The following CEP128 variants were observed in gnomAD, a reference collection of about 807,000 sequenced individuals.
CEP128 encodes the protein centrosomal protein 128kDa.
Under a neutral mutation model 156.7 loss-of-function variants are expected in CEP128, and 132 were observed. The observed-to-expected ratio is 0.84, with a 90% CI of 0.73 to 0.97. The LOEUF (loss-of-function observed/expected upper bound fraction) is 0.97. Among genes scored for constraint, CEP128 ranks in the 50% least tolerant of loss-of-function variants. The pLI is 0.00. For synonymous variants in CEP128, 469 were observed against 448.9 expected, an observed-to-expected ratio of 1.04 and a Z score of -0.57; for missense variants, 1,252 against 1,281.9, an observed-to-expected ratio of 0.98 and a Z score of 0.36.
At chr14:80,496,452 G>C (rs1179688389), downstream of CEP128, 1 of 152,616 alleles carries the variant, frequency 6.6e-6, no homozygotes, top group African/African-American at 2.4e-5. Context: ...TAATGAGCAA[G>C]TGTACTTTAA....
intron 8 of CEP128, among the ~76,000 whole-genome samples, chr14:80,877,799 C>T (rs75545164): frequency 4.6e-5 from 7 of 152,266 alleles, no homozygotes; most frequent in Admixed American, 3.3e-4. Flanking sequence ...TGAAGGGATG[C>T]CCCACTCCCA....
intron 18 of CEP128, among the ~76,000 whole-genome samples, chr14:80,753,143 C>A (rs945888540): frequency 6.6e-6 from 1 of 152,134 alleles, no homozygotes; most frequent in East Asian, 1.9e-4. Context: ...TGGGAAAATG[C>A]AGCATGCCCA....
At chr14:80,829,123 T>C (rs1013245076) in intron 13 of CEP128, among the ~76,000 whole-genome samples, 2 of 152,148 alleles carry the variant, frequency 1.3e-5, no homozygotes, top group Non-Finnish European at 1.5e-5. Context: ...ACATTAGTGA[T>C]ACAGACAATA....
At chr14:80,905,774 T>G in intron 5 of CEP128, 181 bp downstream of exon 5, 1 of 511,936 alleles carries the variant, frequency 2.0e-6, no homozygotes, top group Non-Finnish European at 3.3e-6. Context: ...AAAAACAATA[T>G]AACAACAAAG....
At chr14:80,750,818 G>A (rs1426435816) in intron 18 of CEP128, among the ~76,000 whole-genome samples, 1 of 152,134 alleles carries the variant, frequency 6.6e-6, no homozygotes, top group Non-Finnish European at 1.5e-5. Context: ...TATGTGTTAT[G>A]GATTGAATTC....
At chr14:80,486,761 G>C (rs1053899519), downstream of CEP128, among the ~76,000 whole-genome samples, 36 of 152,194 alleles carry the variant, frequency 2.4e-4, no homozygotes, top group African/African-American at 7.5e-4. Flanking sequence ...TTCATATCCA[G>C]CCAAACTAAG....
At chr14:80,873,276 T>C (rs1443689142) in intron 8 of CEP128, among the ~76,000 whole-genome samples, 1 of 152,210 alleles carries the variant, frequency 6.6e-6, no homozygotes, top group African/African-American at 2.4e-5. Context: ...TCTTGATGCA[T>C]GGCAATAATT....
chr14:80,649,955 A>G (rs982630546), intron 19 of CEP128, among the ~76,000 whole-genome samples: 1 of 152,096 alleles, frequency 6.6e-6, no homozygotes, highest in South Asian at 2.1e-4. Context: ...CTGTGAAGAG[A>G]GTCAATGGTA....
intron 8 of CEP128, among the ~76,000 whole-genome samples, chr14:80,879,340 G>C (rs754372810): frequency 1.2e-4 from 18 of 152,040 alleles, no homozygotes; most frequent in Non-Finnish European, 1.8e-4. Flanking sequence ...TATAGTAATT[G>C]ATCCCAAAGA....
At chr14:80,792,187 G>C (rs756747588) in intron 14 of CEP128, among the ~76,000 whole-genome samples, 4 of 152,174 alleles carry the variant, frequency 2.6e-5, no homozygotes, top group Non-Finnish European at 5.9e-5. Flanking sequence ...AATGCGTTTT[G>C]TTGCTATCAA....
At chr14:80,617,769 C>T (rs532086561) in intron 19 of CEP128, among the ~76,000 whole-genome samples, 4 of 152,036 alleles carry the variant, frequency 2.6e-5, no homozygotes, top group South Asian at 2.1e-4. Context: ...TGGTGAGACC[C>T]GCCTGGGCAA....
intron 14 of CEP128, among the ~76,000 whole-genome samples, chr14:80,790,760 T>G (rs957412980): frequency 6.6e-6 from 1 of 152,046 alleles, no homozygotes; most frequent in Non-Finnish European, 1.5e-5. Context: ...TTTTGTATAT[T>G]TTTTAAGTAA....
intron 8 of CEP128, among the ~76,000 whole-genome samples, chr14:80,894,339 T>C (rs1889243258): frequency 6.6e-6 from 1 of 152,024 alleles, no homozygotes; most frequent in African/African-American, 2.4e-5. Context: ...CATTCTTAAA[T>C]GTGTACTTCA....
At chr14:80,729,058 G>GGGGTGTGTGTGT (rs1898141728) in intron 19 of CEP128, among the ~76,000 whole-genome samples, 8 of 105,026 alleles carry the variant, frequency 7.6e-5, no homozygotes, top group Non-Finnish European at 1.1e-4. Context: ...GGCTGGTGGG[G>GGGGTGTGTGTGT]GTGTGTGTGT....
intron 8 of CEP128, among the ~76,000 whole-genome samples, chr14:80,869,256 T>C (rs1256914623): frequency 6.6e-6 from 1 of 151,964 alleles, no homozygotes; most frequent in Non-Finnish European, 1.5e-5. Context: ...TTTAAGAAAA[T>C]AAGTGTCCCT....
At chr14:80,781,998 C>A (rs567976628) in intron 15 of CEP128, among the ~76,000 whole-genome samples, 122 of 152,322 alleles carry the variant, frequency 8.0e-4, no homozygotes, top group Non-Finnish European at 1.5e-3. Context: ...AAGAAAACTG[C>A]AAGCTTCTTA....
chr14:80,785,002 A>T lies in CEP128; in HGVS notation c.2104T>A (p.Ser702Thr). 1.9e-6 allele frequency: 3 copies of T among 1,614,150 alleles called. 1 individual carries two copies. Among genetic ancestry groups the T allele is most frequent in the South Asian group, 2.2e-5 (2 of 91,084 alleles). The change falls in exon 15 of 25, where the codon TCA becomes ACA. Residue 702 changes from serine (S) to threonine (T), a missense_variant. Physicochemically the swap from Ser to Thr is moderately conservative, Grantham distance 58. Transcript: ENST00000555265. ...VHQRELKDLTSSLQSVKTKHE... is the reference protein window; with the variant it reads ...VHQRELKDLTTSLQSVKTKHE... ...TTTGTTTTCACACTCTGCAATGATG[A>T]TGTGAGATCTTTCAGCTCCCTCTGG...
chr14:80,668,723 A>G (rs112452318), intron 19 of CEP128, among the ~76,000 whole-genome samples: 1 of 152,230 alleles, frequency 6.6e-6, no homozygotes, highest in African/African-American at 2.4e-5. Context: ...AAGATGGGTG[A>G]TATGGTTTGG....
intron 19 of CEP128, among the ~76,000 whole-genome samples, chr14:80,715,746 C>T (rs1378548314): frequency 1.3e-5 from 2 of 152,146 alleles, no homozygotes; most frequent in African/African-American, 2.4e-5. Flanking sequence ...ATGTAACAGC[C>T]ACTTACATGT....
Sources: gnomAD v4.1 joint callset for allele counts (sites outside exome capture counted in the v4.1 genomes callset) on GRCh38, gnomAD v4.1.1 for gene constraint, MANE v1.5 for transcripts, NCBI Gene and HGNC (gene_info 2026-07-23, HGNC 2026-07-21) for gene names.